ATXN1: variants seen among roughly 807,000 people sequenced by gnomAD.
ATXN1 encodes ataxin-1.
In ATXN1, 8 loss-of-function variants were observed where a neutral mutation model predicts 56.4. That is an observed-to-expected ratio of 0.14 (90% CI 0.08 to 0.26). The LOEUF (loss-of-function observed/expected upper bound fraction) is 0.26, where lower values mean the gene tolerates loss of function less well. Ranked by LOEUF, ATXN1 falls within the 10% of genes least tolerant of loss-of-function variation. The pLI is 1.00. For synonymous variants in ATXN1, 514 were observed against 494.6 expected, an observed-to-expected ratio of 1.04 and a Z score of -0.52; for missense variants, 987 against 1,106.5, an observed-to-expected ratio of 0.89 and a Z score of 1.53.
chr6:16,730,347 T>C (rs1047908556), intron 2 of ATXN1, among the ~76,000 whole-genome samples: 1 of 152,056 alleles, frequency 6.6e-6, no homozygotes, highest in Non-Finnish European at 1.5e-5. Context: ...AAATTAGATG[T>C]CTGCATATTA....
intron 6 of ATXN1, among the ~76,000 whole-genome samples, chr6:16,412,049 T>C (rs1266983829): frequency 6.6e-6 from 1 of 152,184 alleles, no homozygotes; most frequent in Non-Finnish European, 1.5e-5. Flanking sequence ...TGTATAGGCT[T>C]GCTAAATAAG....
At chr6:16,403,322 T>G (rs1415882455) in intron 6 of ATXN1, among the ~76,000 whole-genome samples, 1 of 152,136 alleles carries the variant, frequency 6.6e-6, no homozygotes, top group Non-Finnish European at 1.5e-5. Flanking sequence ...GTTTATGCGT[T>G]TTCTAAGAAG....
chr6:16,493,779 C>A (rs1760716228), intron 5 of ATXN1, among the ~76,000 whole-genome samples: 1 of 152,186 alleles, frequency 6.6e-6, no homozygotes, highest in African/African-American at 2.4e-5. Context: ...AATGGAAGAA[C>A]ACCCTTTTGG....
intron 4 of ATXN1, among the ~76,000 whole-genome samples, chr6:16,580,705 G>T (rs1053944845): frequency 6.6e-6 from 1 of 152,108 alleles, no homozygotes; most frequent in Non-Finnish European, 1.5e-5. Flanking sequence ...AAGAAGCCTG[G>T]TAAGTTATTT....
intron 2 of ATXN1, among the ~76,000 whole-genome samples, chr6:16,705,103 C>A (rs1388958251): frequency 6.6e-6 from 1 of 152,210 alleles, no homozygotes; most frequent in Non-Finnish European, 1.5e-5. Flanking sequence ...CGATTGCCCA[C>A]AGCAGTTCAC....
intron 6 of ATXN1, among the ~76,000 whole-genome samples, chr6:16,377,706 A>G (rs142053583): frequency 0.017 from 2,521 of 152,278 alleles, 37 homozygotes; most frequent in Non-Finnish European, 0.022. Flanking sequence ...GTGGCTGCTG[A>G]CAGGAATGTG....
intron 2 of ATXN1, chr6:16,667,018 A>G (rs1390890450): frequency 6.6e-6 from 1 of 152,240 alleles, no homozygotes; most frequent in Non-Finnish European, 1.5e-5. Context: ...AACACTGGTT[A>G]TCTTTGGGTG....
intron 6 of ATXN1, among the ~76,000 whole-genome samples, chr6:16,382,017 T>C (rs951922459): frequency 1.3e-5 from 2 of 152,234 alleles, no homozygotes; most frequent in African/African-American, 4.8e-5. Context: ...TAACTAGTAA[T>C]TGGCTATTAG....
rs200380782 is a variant in ATXN1 at position 16,456,509 on chromosome 6, C to T, written c.-161+29463G>A. Among the ~76,000 whole-genome samples, 9 of 152,260 alleles carry T rather than the reference C, an allele frequency of 5.9e-5. No homozygotes were observed. The East Asian group carries it at 1.4e-3, about 23-fold the overall frequency. ...CCAGCTTCTGCTTTTCCTGCACTTC[C>T]GGGCTAAGCCTAGGGTCGACAGAGA... On this transcript the variant is annotated intron_variant, in intron 6 of 7. Coordinates refer to ENST00000436367, the MANE Select transcript of ATXN1 (RefSeq NM_001128164.2).
chr6:16,360,168 C>T (rs1176034847), intron 6 of ATXN1, among the ~76,000 whole-genome samples: 1 of 152,072 alleles, frequency 6.6e-6, no homozygotes, highest in East Asian at 1.9e-4. Context: ...TGGATTAGAC[C>T]ATGGGTTCTC....
chr6:16,578,307 T>C (rs1189198227), intron 4 of ATXN1, among the ~76,000 whole-genome samples: 1 of 152,246 alleles, frequency 6.6e-6, no homozygotes, highest in Non-Finnish European at 1.5e-5. Context: ...CTAACTATGT[T>C]GACAAATCTT....
chr6:16,299,404 C>T lies in ATXN1; in HGVS notation c.*6925G>A, dbSNP rs1760025587. The T allele has an allele frequency of 6.6e-6, 1 of 152,510 alleles. No homozygotes were observed. Among genetic ancestry groups the T allele is most frequent in the Non-Finnish European group, 1.5e-5 (1 of 68,018 alleles). 9.4% of individuals were successfully genotyped at this position (152,510 alleles called of 1,614,324 possible). A position where few individuals can be genotyped will look rare whatever the true frequency, so the allele number is the denominator to read the frequency against. On this transcript the variant is annotated 3_prime_UTR_variant, in exon 8 of 8. Coordinates refer to ENST00000436367, the MANE Select transcript of ATXN1 (RefSeq NM_001128164.2). Reference sequence around the variant, plus strand: ...TTGTTTAAAAAAGCTAGTGCAAGTACAATATTTTACACTGGAATTACAGAG... The same window carrying T: ...TTGTTTAAAAAAGCTAGTGCAAGTATAATATTTTACACTGGAATTACAGAG...
intron 1 of ATXN1, among the ~76,000 whole-genome samples, chr6:16,757,161 T>C (rs1205616349): frequency 2.6e-5 from 4 of 152,216 alleles, no homozygotes; most frequent in African/African-American, 9.7e-5. Flanking sequence ...TGTTTAATCT[T>C]CCTCTAAGTG....
chr6:16,677,952 T>C (rs1758722181), intron 2 of ATXN1, among the ~76,000 whole-genome samples: 1 of 152,236 alleles, frequency 6.6e-6, no homozygotes, highest in African/African-American at 2.4e-5. Context: ...CGAATGAGAT[T>C]TTTTTCTTGC....
chr6:16,676,058 G>A (rs547341899), intron 2 of ATXN1, among the ~76,000 whole-genome samples: 1 of 152,066 alleles, frequency 6.6e-6, no homozygotes, highest in Non-Finnish European at 1.5e-5. Context: ...CATCAAGGCA[G>A]GTAACACCAT....
chr6:16,505,024 C>CTTTTTTTTTTT (rs1760956989), intron 5 of ATXN1, among the ~76,000 whole-genome samples: 1 of 134,884 alleles, frequency 7.4e-6, no homozygotes, highest in African/African-American at 3.2e-5. Flanking sequence ...TTTAGCTCTA[C>CTTTTTTTTTTT]TTCTATTTTC....
chr6:16,347,487 A>AT (rs894161096), intron 6 of ATXN1, among the ~76,000 whole-genome samples: 1 of 142,524 alleles, frequency 7.0e-6, no homozygotes, highest in Admixed American at 7.0e-5. Context: ...GAGAACCTTT[A>AT]TGTCTAGCTA....
At chr6:16,347,835 G>C (rs1156751348) in intron 6 of ATXN1, among the ~76,000 whole-genome samples, 1 of 152,232 alleles carries the variant, frequency 6.6e-6, no homozygotes, top group South Asian at 2.1e-4. Flanking sequence ...CGAGCCAGCA[G>C]TGGTAACCTT....
In ATXN1 at chr6:16,316,865, C is replaced by CTTTTT. The variant is rs375359789; in HGVS notation, c.1917+9524_1917+9528dup. ...AGGGGGCAATAGAGAGACTGCCTGT[C>CTTTTT]TTTTTTTTTTTTTTTTTTTTTTTTT... On this transcript the variant is annotated intron_variant, in intron 7 of 7. Transcript: ENST00000436367. Among the ~76,000 whole-genome samples the CTTTTT allele has an allele frequency of 7.1e-4, 71 of 99,454 alleles. 6 individuals carry two copies. Among genetic ancestry groups the CTTTTT allele is most frequent in the East Asian group, 7.0e-3 (18 of 2,562 alleles). 65.2% of individuals were successfully genotyped at this position (99,454 alleles called of 152,430 possible). A position where few individuals can be genotyped will look rare whatever the true frequency, so the allele number is the denominator to read the frequency against.
Sources: gnomAD v4.1 joint callset for allele counts (sites outside exome capture counted in the v4.1 genomes callset) on GRCh38, gnomAD v4.1.1 for gene constraint, MANE v1.5 for transcripts, NCBI Gene and HGNC (gene_info 2026-07-23, HGNC 2026-07-21) for gene names.